The following GLIS3 variants were observed in gnomAD, a reference collection of about 807,000 sequenced individuals.
GLIS3 encodes GLIS family zinc finger 3.
GLIS3 carries 53 observed loss-of-function variants against 78.6 expected under a neutral mutation model. The ratio of observed to expected loss-of-function variants is 0.67; its 90% CI spans 0.54 to 0.85. The LOEUF (loss-of-function observed/expected upper bound fraction) is 0.85. GLIS3 is among the 40% of genes least tolerant of loss of function. The probability of loss-of-function intolerance (pLI) is 0.00; values close to 1 mark genes in which losing one functional copy is unlikely to be tolerated. For synonymous variants in GLIS3, 684 were observed against 509.9 expected (o/e 1.34, Z -4.60); for missense variants, 1,703 against 1,231.1 (o/e 1.38, Z -5.74).
rs1357657218 is a variant in GLIS3 at position 3,843,222 on chromosome 9, G to A, written c.2473+12787C>T. Among the ~76,000 whole-genome samples, 3 of 152,132 alleles carry A rather than the reference G, an allele frequency of 2.0e-5. No individual in the cohort carries two copies. The South Asian group carries it at 6.2e-4, about 32-fold the overall frequency. On this transcript the variant is annotated intron_variant, in intron 9 of 10. Coordinates refer to ENST00000381971, the MANE Select transcript of GLIS3 (RefSeq NM_001042413.2). ...TAACTAGGTGATTTTTTGCTTCTTC[G>A]AATCCGAGTCTGTTATTACACAAAT...
intron 2 of GLIS3, among the ~76,000 whole-genome samples, chr9:4,247,335 A>T (rs1157377068): frequency 6.6e-6 from 1 of 152,226 alleles, no homozygotes; most frequent in East Asian, 1.9e-4. Context: ...AAGGATAATA[A>T]TCTCATGGTA....
chr9:4,187,841 G>A lies in GLIS3; in HGVS notation c.389-61900C>T, dbSNP rs9697076. ...AGAATGCTTGTGATTTTTGCACATT[G>A]ATTTTGTATCCTGAGACTTTGCTGA... On this transcript the variant is annotated intron_variant, in intron 2 of 10. Coordinates refer to ENST00000381971, the MANE Select transcript of GLIS3 (RefSeq NM_001042413.2). Among the ~76,000 whole-genome samples the A allele has an allele frequency of 9.5e-3, 1,451 of 152,210 alleles. 23 individuals are homozygous for A. The highest frequency in any genetic ancestry group is 0.034 in the African/African-American group (1,398 of 41,550).
the GLIS3 span, among the ~76,000 whole-genome samples, chr9:4,397,957 G>T: frequency 6.6e-6 from 1 of 151,982 alleles, no homozygotes; most frequent in Non-Finnish European, 1.5e-5. Context: ...CATTCACACT[G>T]TTCCCCGTCT....
At chr9:4,429,110 G>A in the GLIS3 span, among the ~76,000 whole-genome samples, 1 of 152,102 alleles carries the variant, frequency 6.6e-6, no homozygotes, top group African/African-American at 2.4e-5. Context: ...CCTGGAAGTG[G>A]CAGTTCCATA....
intron 2 of GLIS3, among the ~76,000 whole-genome samples, chr9:4,142,115 C>A (rs1189193278): frequency 6.6e-6 from 1 of 152,188 alleles, no homozygotes; most frequent in African/African-American, 2.4e-5. Context: ...AACCCAAATT[C>A]TTTCCCATCA....
chr9:3,927,114 T>A (rs1264501229), intron 6 of GLIS3, among the ~76,000 whole-genome samples: 1 of 152,212 alleles, frequency 6.6e-6, no homozygotes, highest in Non-Finnish European at 1.5e-5. Flanking sequence ...TGTTGGACTT[T>A]CATGAAGATA....
At chr9:4,382,643 T>C in the GLIS3 span, among the ~76,000 whole-genome samples, 82 of 152,258 alleles carry the variant, frequency 5.4e-4, no homozygotes, top group African/African-American at 1.9e-3. Context: ...AAAATATAGA[T>C]ACCAGGCCCT....
Position 3,825,961 on chromosome 9 carries a change from G to C in GLIS3, c.*2311C>G, listed in dbSNP as rs1371913645. The C allele has an allele frequency of 3.3e-5, 5 of 152,204 alleles. No homozygotes were observed. Among genetic ancestry groups the C allele is most frequent in the Admixed American group, 2.0e-4 (3 of 15,278 alleles). The allele number at this position is 152,204 out of a possible 1,614,324, so 9.4% of individuals were successfully genotyped here. On this transcript the variant is annotated 3_prime_UTR_variant, in exon 11 of 11. Coordinates refer to ENST00000381971, the MANE Select transcript of GLIS3 (RefSeq NM_001042413.2). ...CCTCTTTAGAGTCCCTCTTGCCCCT[G>C]TGAGGTAAGAAAGGGGCAGGGTTAC...
chr9:4,211,831 T>C lies in GLIS3; in HGVS notation c.388+74207A>G, dbSNP rs141763915. Among the ~76,000 whole-genome samples the C allele has an allele frequency of 3.5e-3, 534 of 152,298 alleles. 7 individuals carry two copies. The highest frequency in any genetic ancestry group is 0.014 in the Middle Eastern group (4 of 294). ...ATATACTCATTCAATAGAATGTTAT[T>C]TGACAATAAAAAAGGAATGAAATAC... On this transcript the variant is annotated intron_variant, in intron 2 of 10. Coordinates refer to ENST00000381971, the MANE Select transcript of GLIS3 (RefSeq NM_001042413.2).
At chr9:4,066,442 A>T (rs562719560) in intron 4 of GLIS3, among the ~76,000 whole-genome samples, 1 of 152,288 alleles carries the variant, frequency 6.6e-6, no homozygotes, top group South Asian at 2.1e-4. Flanking sequence ...GTGAAACAAG[A>T]GTATAAAAGC....
At chr9:4,469,973 A>T in the GLIS3 span, among the ~76,000 whole-genome samples, 615 of 152,096 alleles carry the variant, frequency 4.0e-3, 5 homozygotes, top group Middle Eastern at 0.01. Context: ...CCACAGAAAC[A>T]CAAACTACCA....
chr9:4,037,334 C>A (rs539208730), intron 4 of GLIS3, among the ~76,000 whole-genome samples: 4 of 152,100 alleles, frequency 2.6e-5, no homozygotes, highest in Non-Finnish European at 5.9e-5. Flanking sequence ...AATTACTAAC[C>A]CCTCCGTGCC....
chr9:4,395,246 A>T, the GLIS3 span, among the ~76,000 whole-genome samples: 1 of 152,210 alleles, frequency 6.6e-6, no homozygotes, highest in East Asian at 1.9e-4. Context: ...ACTATTTTAC[A>T]AGTATAATAT....
At chr9:4,164,057 T>A (rs1275361284) in intron 2 of GLIS3, among the ~76,000 whole-genome samples, 1 of 152,228 alleles carries the variant, frequency 6.6e-6, no homozygotes, top group Admixed American at 6.5e-5. Flanking sequence ...CACGTCTTCC[T>A]CTAAACACAA....
the GLIS3 span, among the ~76,000 whole-genome samples, chr9:4,431,438 G>A: frequency 2.6e-5 from 4 of 152,108 alleles, no homozygotes; most frequent in African/African-American, 9.7e-5. Context: ...AGATTGACTG[G>A]ATTGGGGAAG....
At chr9:4,058,581 G>C (rs1343414791) in intron 4 of GLIS3, among the ~76,000 whole-genome samples, 1 of 152,006 alleles carries the variant, frequency 6.6e-6, no homozygotes. Context: ...TTCCAAAATT[G>C]GGCCATCTCT....
chr9:3,955,948 G>A (rs7022290), intron 4 of GLIS3, among the ~76,000 whole-genome samples: 7,482 of 143,756 alleles, frequency 0.052, 635 homozygotes, highest in African/African-American at 0.18. Flanking sequence ...TAGTATATAC[G>A]TACAAGTGAT....
At chr9:4,259,567 C>G (rs943574041) in intron 2 of GLIS3, among the ~76,000 whole-genome samples, 1 of 152,198 alleles carries the variant, frequency 6.6e-6, no homozygotes. Context: ...ACCCCATAAT[C>G]CTATCCCTTC....
In GLIS3 at chr9:3,834,543, G is replaced by A. The variant is rs530883152; in HGVS notation, c.2474-5051C>T. 9.9e-5 allele frequency among the ~76,000 whole-genome samples: 15 copies of A among 152,114 alleles called. No homozygotes were observed. The East Asian group carries it at 2.9e-3, about 29-fold the overall frequency. On this transcript the variant is annotated intron_variant, in intron 9 of 10. Coordinates refer to ENST00000381971, the MANE Select transcript of GLIS3 (RefSeq NM_001042413.2). ...ATTGTACCTGACAGCACAGCTCTAG[G>A]GCAATCTGAATTCCCAGGTCTAGCC...
Sources: gnomAD v4.1 joint callset for allele counts (sites outside exome capture counted in the v4.1 genomes callset) on GRCh38, gnomAD v4.1.1 for gene constraint, MANE v1.5 for transcripts, NCBI Gene and HGNC (gene_info 2026-07-23, HGNC 2026-07-21) for gene names.